Variants in ATG7 observed in about 807,000 individuals in gnomAD.
ATG7 encodes ubiquitin-like modifier-activating enzyme ATG7.
ATG7 carries 70 observed loss-of-function variants against 82.4 expected under a neutral mutation model. That is an observed-to-expected ratio of 0.85 (90% CI 0.70 to 1.04). ATG7 has a LOEUF of 1.04. ATG7 is among the 50% of genes least tolerant of loss of function. ATG7 has a pLI of 0.00. For missense variants in ATG7, 792 were observed against 864.3 expected, an observed-to-expected ratio of 0.92 and a Z score of 1.05; for synonymous variants, 287 against 313.0, an observed-to-expected ratio of 0.92 and a Z score of 0.88.
intron 19 of ATG7, among the ~76,000 whole-genome samples, chr3:11,393,172 G>A (rs768829796): frequency 3.9e-5 from 6 of 152,090 alleles, no homozygotes; most frequent in Non-Finnish European, 7.3e-5. Context: ...TATAACCCAC[G>A]TATATATGCA....
chr3:11,287,787 C>T (rs1425723161), intron 3 of ATG7, among the ~76,000 whole-genome samples: 3 of 152,252 alleles, frequency 2.0e-5, no homozygotes, highest in Non-Finnish European at 4.4e-5. Flanking sequence ...ATCTGGCCTT[C>T]GCCCTCAGCG....
At chr3:11,465,399 C>T (rs1245925950) in intron 20 of ATG7, among the ~76,000 whole-genome samples, 1 of 149,340 alleles carries the variant, frequency 6.7e-6, no homozygotes, top group Non-Finnish European at 1.5e-5. Flanking sequence ...GAGCCAAGAT[C>T]ACGCCACTGC....
chr3:11,272,797 C>G (rs189949964), intron 1 of ATG7: 1 of 152,250 alleles, frequency 6.6e-6, no homozygotes, highest in African/African-American at 2.4e-5. Flanking sequence ...TTTGCTGTCT[C>G]TGGCACGTTC....
intron 19 of ATG7, among the ~76,000 whole-genome samples, chr3:11,382,273 T>TAC (rs1400416927): frequency 6.6e-6 from 1 of 152,208 alleles, no homozygotes; most frequent in Non-Finnish European, 1.5e-5. Context: ...ATACATTATA[T>TAC]ACACATATAT....
At chr3:11,503,995 A>G (rs866819473) in intron 20 of ATG7, among the ~76,000 whole-genome samples, 1 of 152,126 alleles carries the variant, frequency 6.6e-6, no homozygotes, top group Non-Finnish European at 1.5e-5. Context: ...GCCAGAAAAA[A>G]TAAGGAAGAA....
chr3:11,412,976 C>CT (rs2081051204), intron 19 of ATG7, among the ~76,000 whole-genome samples: 1 of 151,862 alleles, frequency 6.6e-6, no homozygotes, highest in Admixed American at 6.6e-5. Flanking sequence ...CTTATAGTTT[C>CT]TTTTTTTAGA....
chr3:11,451,508 T>A (rs766450409), intron 20 of ATG7, among the ~76,000 whole-genome samples: 1 of 152,128 alleles, frequency 6.6e-6, no homozygotes, highest in Non-Finnish European at 1.5e-5. Context: ...GTTCAGCACA[T>A]GAGACAGGGC....
intron 8 of ATG7, among the ~76,000 whole-genome samples, chr3:11,314,773 A>C (rs1949157598): frequency 0.011 from 1 of 94 alleles, no homozygotes; most frequent in Non-Finnish European, 0.028. Context: ...CATCGCTATA[A>C]AAAATACCAA....
At chr3:11,501,983 A>G (rs1326672879) in intron 20 of ATG7, among the ~76,000 whole-genome samples, 2 of 152,042 alleles carry the variant, frequency 1.3e-5, no homozygotes, top group Non-Finnish European at 2.9e-5. Context: ...TCCTGGGTTT[A>G]CTTTTGATCC....
chr3:11,536,161 C>T (rs1432289846), intron 20 of ATG7, among the ~76,000 whole-genome samples: 2 of 152,182 alleles, frequency 1.3e-5, no homozygotes, highest in South Asian at 4.1e-4. Flanking sequence ...GGACTGCCCC[C>T]GGGCCAGGGG....
chr3:11,502,199 TTC>T (rs1186497270), intron 20 of ATG7, among the ~76,000 whole-genome samples: 3 of 151,722 alleles, frequency 2.0e-5, no homozygotes, highest in Admixed American at 6.6e-5. Flanking sequence ...GAACGTTAAA[TTC>T]TTTTTTTTTT....
intron 19 of ATG7, among the ~76,000 whole-genome samples, chr3:11,419,154 A>G (rs2081695891): frequency 6.6e-6 from 1 of 152,252 alleles, no homozygotes; most frequent in Admixed American, 6.5e-5. Context: ...GTATAATGCT[A>G]AACAAGAAGT....
chr3:11,468,147 C>T (rs549690964), intron 20 of ATG7, among the ~76,000 whole-genome samples: 3 of 152,176 alleles, frequency 2.0e-5, no homozygotes, highest in Non-Finnish European at 2.9e-5. Flanking sequence ...CATCCCTGCT[C>T]GCCCTTTGAG....
intron 11 of ATG7, among the ~76,000 whole-genome samples, chr3:11,338,829 T>C (rs961351678): frequency 1.3e-5 from 2 of 152,218 alleles, no homozygotes; most frequent in East Asian, 1.9e-4. Flanking sequence ...TGGTTTCTCA[T>C]TGACCGTCCT....
At chr3:11,558,772 C>T (rs1469044297), downstream of ATG7, 1 of 1,614,098 alleles carries the variant, frequency 6.2e-7, no homozygotes, top group Non-Finnish European at 8.5e-7. Context: ...CCTTGTAATT[C>T]TTGCCCAGGC....
rs143172160 is a variant in ATG7 at position 11,352,095 on chromosome 3, C to T, written c.1284+4060C>T. On this transcript the variant is annotated intron_variant, in intron 14 of 20. Transcript: ENST00000693202. ...CAATTCCCACATATGAGTGAGAACA[C>T]GCGGTGTTTGGTTTTCTGTCTTTGT... Among the ~76,000 whole-genome samples, 578 of 150,334 alleles carry T rather than the reference C, an allele frequency of 3.8e-3. 5 individuals carry two copies. The highest frequency in any genetic ancestry group is 0.013 in the African/African-American group (544 of 41,004).
chr3:11,357,911 AG>A (rs1044935005), intron 14 of ATG7, among the ~76,000 whole-genome samples: 1 of 150,256 alleles, frequency 6.7e-6, no homozygotes, highest in African/African-American at 2.4e-5. Context: ...TGGGAAGCTG[AG>A]GTGGGAGGAT....
chr3:11,403,015 A>G (rs1292331399), intron 19 of ATG7, among the ~76,000 whole-genome samples: 2 of 152,232 alleles, frequency 1.3e-5, no homozygotes, highest in Non-Finnish European at 2.9e-5. Flanking sequence ...GTACATTAAG[A>G]CATATCAAAC....
intron 18 of ATG7, among the ~76,000 whole-genome samples, chr3:11,369,074 T>C (rs2076822571): frequency 6.6e-6 from 1 of 150,834 alleles, no homozygotes; most frequent in African/African-American, 2.5e-5. Context: ...GAGGTGGAGC[T>C]GGGATCTCTA....
Sources: gnomAD v4.1 joint callset for allele counts (sites outside exome capture counted in the v4.1 genomes callset) on GRCh38, gnomAD v4.1.1 for gene constraint, MANE v1.5 for transcripts, NCBI Gene and HGNC (gene_info 2026-07-23, HGNC 2026-07-21) for gene names.